The following ARB2A variants were observed in gnomAD, a reference collection of about 807,000 sequenced individuals.
ARB2A encodes the protein ARB2 cotranscriptional regulator A.
At chr5:93,943,380 A>G in the ARB2A span, among the ~76,000 whole-genome samples, 5 of 152,116 alleles carry the variant, frequency 3.3e-5, no homozygotes, top group Admixed American at 3.3e-4. Context: ...CAAAGTCTGT[A>G]AGTCATTTGA....
At chr5:93,828,029 C>T in the ARB2A span, among the ~76,000 whole-genome samples, 1 of 152,134 alleles carries the variant, frequency 6.6e-6, no homozygotes, top group Non-Finnish European at 1.5e-5. Flanking sequence ...TAGTGTGATG[C>T]CTCCAGCTTT....
At chr5:93,746,921 T>C in the ARB2A span, among the ~76,000 whole-genome samples, 1 of 152,328 alleles carries the variant, frequency 6.6e-6, no homozygotes, top group South Asian at 2.1e-4. Flanking sequence ...GCTCTTGTTA[T>C]GCCAAGCATG....
chr5:93,965,722 T>C, the ARB2A span, among the ~76,000 whole-genome samples: 1 of 152,062 alleles, frequency 6.6e-6, no homozygotes, highest in Admixed American at 6.6e-5. Context: ...AGAAACATAA[T>C]TAAAAGTCAA....
the ARB2A span, among the ~76,000 whole-genome samples, chr5:93,778,119 T>G: frequency 6.6e-6 from 1 of 152,232 alleles, no homozygotes; most frequent in African/African-American, 2.4e-5. Context: ...GTATTTTTCA[T>G]GCATTACAAA....
At chr5:93,796,889 T>C in the ARB2A span, among the ~76,000 whole-genome samples, 1 of 152,198 alleles carries the variant, frequency 6.6e-6, no homozygotes, top group African/African-American at 2.4e-5. Context: ...TTGCACTTAC[T>C]GCACAAAACC....
the ARB2A span, among the ~76,000 whole-genome samples, chr5:93,969,932 T>C: frequency 6.6e-6 from 1 of 152,074 alleles, no homozygotes; most frequent in Non-Finnish European, 1.5e-5. Flanking sequence ...CTACAGATCC[T>C]TTTGAGAAAT....
At chr5:93,695,838 T>C in the ARB2A span, among the ~76,000 whole-genome samples, 1 of 152,192 alleles carries the variant, frequency 6.6e-6, no homozygotes, top group East Asian at 1.9e-4. Flanking sequence ...ATATACACTA[T>C]GGAATACTAT....
At chr5:93,932,008 C>T in the ARB2A span, among the ~76,000 whole-genome samples, 1 of 152,108 alleles carries the variant, frequency 6.6e-6, no homozygotes, top group African/African-American at 2.4e-5. Context: ...AAATAAAGCA[C>T]ATTTTGAATT....
chr5:93,787,331 G>T, the ARB2A span, among the ~76,000 whole-genome samples: 1 of 152,130 alleles, frequency 6.6e-6, no homozygotes, highest in Non-Finnish European at 1.5e-5. Context: ...TAGAAGTGAT[G>T]ACAAATTTTG....
chr5:93,989,283 A>G, the ARB2A span, among the ~76,000 whole-genome samples: 4 of 152,334 alleles, frequency 2.6e-5, no homozygotes, highest in Middle Eastern at 3.4e-3. Flanking sequence ...GATATAATGT[A>G]CATTCTTCCT....
chr5:93,691,236 T>C, the ARB2A span, among the ~76,000 whole-genome samples: 6 of 151,996 alleles, frequency 3.9e-5, no homozygotes, highest in East Asian at 9.8e-4. Flanking sequence ...CTCTGAGCTA[T>C]AGGAGCATGT....
the ARB2A span, among the ~76,000 whole-genome samples, chr5:94,009,839 C>T: frequency 6.6e-6 from 1 of 150,940 alleles, no homozygotes; most frequent in East Asian, 1.9e-4. Flanking sequence ...TCATAAAATT[C>T]TCTACTATTG....
At chr5:93,774,069 C>T in the ARB2A span, among the ~76,000 whole-genome samples, 3 of 152,344 alleles carry the variant, frequency 2.0e-5, no homozygotes, top group East Asian at 5.8e-4. Context: ...AGCCACCATA[C>T]TCGGCCTTGA....
At chr5:93,693,931 T>C in the ARB2A span, among the ~76,000 whole-genome samples, 4 of 151,464 alleles carry the variant, frequency 2.6e-5, no homozygotes, top group African/African-American at 4.9e-5. Context: ...ACAGAACCAA[T>C]GAAAAAAAAC....
At chr5:93,943,245 T>C in the ARB2A span, among the ~76,000 whole-genome samples, 22 of 152,266 alleles carry the variant, frequency 1.4e-4, no homozygotes, top group African/African-American at 5.3e-4. Flanking sequence ...TTAAATATGA[T>C]ATTATCAATT....
At chr5:93,899,796 T>C in the ARB2A span, among the ~76,000 whole-genome samples, 45 of 152,310 alleles carry the variant, frequency 3.0e-4, no homozygotes, top group African/African-American at 1.0e-3. Context: ...CCAGTAGTAA[T>C]AGTTTTAATG....
At chr5:94,050,085 A>G in the ARB2A span, among the ~76,000 whole-genome samples, 47 of 151,788 alleles carry the variant, frequency 3.1e-4, no homozygotes, top group African/African-American at 9.9e-4. Context: ...GACTATAGGC[A>G]CACACCACTA....
chr5:93,959,989 T>C, the ARB2A span, among the ~76,000 whole-genome samples: 1 of 150,660 alleles, frequency 6.6e-6, no homozygotes, highest in Non-Finnish European at 1.5e-5. Context: ...AGAAGGTCAA[T>C]CCACATATTG....
chr5:93,827,436 T>G, the ARB2A span, among the ~76,000 whole-genome samples: 5 of 152,164 alleles, frequency 3.3e-5, no homozygotes, highest in Non-Finnish European at 5.9e-5. Context: ...CACTTTTTGA[T>G]GGGGTTGTTT....
Sources: gnomAD v4.1 joint callset for allele counts (sites outside exome capture counted in the v4.1 genomes callset) on GRCh38, gnomAD v4.1.1 for gene constraint, MANE v1.5 for transcripts, NCBI Gene and HGNC (gene_info 2026-07-23, HGNC 2026-07-21) for gene names.